TTC38: variants seen among roughly 807,000 people sequenced by gnomAD.
TTC38 encodes the protein tetratricopeptide repeat protein 38.
Under a neutral mutation model 64.2 loss-of-function variants are expected in TTC38, and 64 were observed. That is an observed-to-expected ratio of 1.00 (90% CI 0.81 to 1.23). The LOEUF (loss-of-function observed/expected upper bound fraction) is 1.23, where lower values mean the gene tolerates loss of function less well. Ranked by LOEUF, TTC38 falls within the 50% of genes most tolerant of loss-of-function variation. The pLI is 0.00. For synonymous variants in TTC38, 254 were observed against 249.3 expected, an observed-to-expected ratio of 1.02 and a Z score of -0.18; for missense variants, 573 against 615.5, an observed-to-expected ratio of 0.93 and a Z score of 0.73.
intron 2 of TTC38, chr22:46,269,308 C>T (rs980514981): frequency 8.6e-6 from 2 of 231,362 alleles, no homozygotes; most frequent in African/African-American, 4.8e-5. Flanking sequence ...ACTGCCTTCA[C>T]CTAGGCTGTG....
rs1454680685 is a variant in TTC38, at chr22:46,273,873, C to T, written c.194-25C>T. The T allele has an allele frequency of 6.2e-7, 1 of 1,613,266 alleles. No homozygotes were observed. The highest frequency in any genetic ancestry group is 1.1e-5 in the South Asian group (1 of 91,030). ...GGCTGAGCTGGACCATCTGAACCACCAGCCGTTCTCTAACCTCCCACCAGT... is the reference window on the plus strand; with the variant it reads ...GGCTGAGCTGGACCATCTGAACCACTAGCCGTTCTCTAACCTCCCACCAGT... On this transcript the variant is annotated intron_variant, in intron 3 of 13. Coordinates refer to ENST00000381031, the MANE Select transcript of TTC38 (RefSeq NM_017931.4). The surrounding 1 kb of genome is among the most constrained non-coding windows in gnomAD (Gnocchi z 5.1).
At chr22:46,285,816 C>T (rs887262380) in intron 9 of TTC38, among the ~76,000 whole-genome samples, 3 of 151,768 alleles carry the variant, frequency 2.0e-5, no homozygotes, top group Non-Finnish European at 4.4e-5. Context: ...AGTTCAAGAC[C>T]AGCCTGGCCA....
intron 11 of TTC38, 36 bp downstream of exon 11, chr22:46,288,624 A>C (rs781390730): frequency 1.8e-5 from 28 of 1,599,514 alleles, no homozygotes; most frequent in Middle Eastern, 1.7e-4. Flanking sequence ...GGGGGTCCTC[A>C]CCCTGCCGAG....
chr22:46,272,635 CATCTT>C lies in TTC38; in HGVS notation c.193+220_193+224del, dbSNP rs1373774813. Among the ~76,000 whole-genome samples, 2 of 152,304 alleles carry C rather than the reference CATCTT, an allele frequency of 1.3e-5. No individual in the cohort carries two copies. Among genetic ancestry groups the C allele is most frequent in the Admixed American group, 1.3e-4 (2 of 15,306 alleles). ...AGGTTCTATCAGAAGGCATTTTTCT[CATCTT>C]TTCTTTAATTACCATCAATTCGGGA... On this transcript the variant is annotated intron_variant, in intron 3 of 13. Coordinates refer to ENST00000381031, the MANE Select transcript of TTC38 (RefSeq NM_017931.4). The surrounding 1 kb of genome is among the most constrained non-coding windows in gnomAD (Gnocchi z 6.4).
At chr22:46,283,951 C>G in intron 7 of TTC38, 22 bp from the exon 8 acceptor site, 1 of 1,451,788 alleles carries the variant, frequency 6.9e-7, no homozygotes, top group African/African-American at 1.6e-5. Context: ...TTCATAAATT[C>G]TCTTTTTTTT....
Position 46,275,610 on chromosome 22 carries a change from C to T in TTC38, c.539+189C>T, listed in dbSNP as rs11704350. On this transcript the variant is annotated intron_variant, in intron 5 of 13. Coordinates refer to ENST00000381031, the MANE Select transcript of TTC38 (RefSeq NM_017931.4). This position sits in a 1 kb window ranked among gnomAD's most constrained non-coding sequence, Gnocchi z 4.5. Reference sequence around the variant, plus strand: ...CATCCCACCTGTGAATGAGGTAGTACCATTATGTATCAGTCAGCATGGGAT... The same window carrying T: ...CATCCCACCTGTGAATGAGGTAGTATCATTATGTATCAGTCAGCATGGGAT... 0.071 allele frequency among the ~76,000 whole-genome samples: 10,775 copies of T among 152,224 alleles called. 531 individuals are homozygous for T. Among genetic ancestry groups the T allele is most frequent in the Non-Finnish European group, 0.11 (7,274 of 68,010 alleles).
At position 46,289,456 on chromosome 22, in the gene TTC38, G is replaced by C. The variant is rs1416967294; in HGVS notation, c.1137G>C (p.Leu379=). ...TGGCCCGAGACGTGGGGCTGCCCCT[G>C]TGCCAGGCCCTGGTGGAGGCTGAGG... ...HLLARDVGLP[L]CQALVEAEDG... Residue 379 remains leucine, a synonymous_variant, in exon 12 of 14, where the codon CTG becomes CTC. Transcript: ENST00000381031. 1.9e-6 allele frequency: 3 copies of C among 1,609,562 alleles called. No homozygotes were observed. Among genetic ancestry groups the C allele is most frequent in the African/African-American group, 2.7e-5 (2 of 74,918 alleles).
chr22:46,274,805 C>G lies in TTC38; in HGVS notation c.366-443C>G, dbSNP rs774485181. The stretch of plus-strand genomic sequence containing the variant: ...TGGGTTTTCAGTTTGTTTTCTGATT[C>G]ACAACCTAACATAGAAAGTGATTTT... On this transcript the variant is annotated intron_variant, in intron 4 of 13. Coordinates refer to ENST00000381031, the MANE Select transcript of TTC38 (RefSeq NM_017931.4). This position sits in a 1 kb window ranked among gnomAD's most constrained non-coding sequence, Gnocchi z 4.8. 1.3e-5 allele frequency among the ~76,000 whole-genome samples: 2 copies of G among 151,350 alleles called. No individual in the cohort carries two copies. The highest frequency in any genetic ancestry group is 2.9e-5 in the Non-Finnish European group (2 of 67,874).
chr22:46,282,675 G>A lies in TTC38; in HGVS notation c.735+957G>A, dbSNP rs1421935260. Among the ~76,000 whole-genome samples, 2 of 152,142 alleles carry A rather than the reference G, an allele frequency of 1.3e-5. No homozygotes were observed. The highest frequency in any genetic ancestry group is 1.9e-4 in the East Asian group (1 of 5,188). ...GGCAGTGGTCAGGTTCCCTTCTCAG[G>A]GACACTGAGGTTTGTTTGAGGTTTC... is the stretch of plus-strand genomic sequence containing the variant. On this transcript the variant is annotated intron_variant, in intron 7 of 13. Transcript: ENST00000381031. The surrounding 1 kb of genome is among the most constrained non-coding windows in gnomAD (Gnocchi z 4.4).
In TTC38 at chr22:46,281,967, A is replaced by G. The variant is rs192712287; in HGVS notation, c.735+249A>G. On this transcript the variant is annotated intron_variant, in intron 7 of 13. Coordinates refer to ENST00000381031, the MANE Select transcript of TTC38 (RefSeq NM_017931.4). This position sits in a 1 kb window ranked among gnomAD's most constrained non-coding sequence, Gnocchi z 5.2. ...GTCCAGCCCAGACTTCTCTGTCCTT[A>G]CAGGGCCTGGTCAGGAGGAGCGAGC... 11 of 641,220 alleles carry G rather than the reference A, an allele frequency of 1.7e-5. No homozygotes were observed. The East Asian group carries it at 3.0e-4, about 18-fold the overall frequency. The allele number at this position is 641,220 out of a possible 1,614,324, so 39.7% of individuals were successfully genotyped here. A position where few individuals can be genotyped will look rare whatever the true frequency, so the allele number is the denominator to read the frequency against.
chr22:46,289,593 G>C (rs2077598254), intron 12 of TTC38, 32 bp downstream of exon 12: 11 of 1,554,908 alleles, frequency 7.1e-6, no homozygotes, highest in Non-Finnish European at 9.5e-6. Context: ...GGGGTGCCTA[G>C]GGCCTGGGCC....
In TTC38 at chr22:46,289,908, C is replaced by G; in HGVS notation, c.1316+9C>G. Reference sequence around the variant, plus strand: ...CATAAGAACGTAGCCCGGTGAGCTCCTGGCCCCTGCCCAGCACTCCCGACC... The same window carrying G: ...CATAAGAACGTAGCCCGGTGAGCTCGTGGCCCCTGCCCAGCACTCCCGACC... On this transcript the variant is annotated intron_variant, in intron 13 of 13. Coordinates refer to ENST00000381031, the MANE Select transcript of TTC38 (RefSeq NM_017931.4). 1 of 1,613,714 alleles carries G rather than the reference C, an allele frequency of 6.2e-7. No individual in the cohort carries two copies. Among genetic ancestry groups the G allele is most frequent in the Non-Finnish European group, 8.5e-7 (1 of 1,179,694 alleles).
chr22:46,274,107 G>A lies in TTC38; in HGVS notation c.365+38G>A. 1 of 1,603,014 alleles carries A rather than the reference G, an allele frequency of 6.2e-7. No individual in the cohort carries two copies. Among genetic ancestry groups the A allele is most frequent in the Non-Finnish European group, 8.5e-7 (1 of 1,172,208 alleles). ...CCTGGGCTGGGAGCTGGCACCCTGAGGCTGAGCTGGGGGAGTGGCAGGGTA... is the reference window on the plus strand; with the variant it reads ...CCTGGGCTGGGAGCTGGCACCCTGAAGCTGAGCTGGGGGAGTGGCAGGGTA... On this transcript the variant is annotated intron_variant, in intron 4 of 13. Coordinates refer to ENST00000381031, the MANE Select transcript of TTC38 (RefSeq NM_017931.4). The surrounding 1 kb of genome is among the most constrained non-coding windows in gnomAD (Gnocchi z 4.8).
intron 13 of TTC38, 135 bp downstream of exon 13, chr22:46,290,034 G>A: frequency 1.2e-6 from 1 of 826,306 alleles, no homozygotes; most frequent in Non-Finnish European, 2.0e-6. Context: ...GGAGGCTGTG[G>A]GGAATTTGGT....
Position 46,272,276 on chromosome 22 carries a change from A to G in TTC38, c.112-59A>G. On this transcript the variant is annotated intron_variant, in intron 2 of 13. Transcript: ENST00000381031. This position sits in a 1 kb window ranked among gnomAD's most constrained non-coding sequence, Gnocchi z 6.4. ...AAAGTGTAAACCTGGATTTAGAGCC[A>G]CCTTTGTTAGAATGATCCAAGGGCT... 6.9e-7 allele frequency: 1 copy of G among 1,448,312 alleles called. No homozygotes were observed. Among genetic ancestry groups the G allele is most frequent in the Non-Finnish European group, 9.7e-7 (1 of 1,032,408 alleles). 89.7% of individuals were successfully genotyped at this position (1,448,312 alleles called of 1,614,324 possible).
In TTC38 at chr22:46,270,477, T is replaced by A. The variant is rs1026283004; in HGVS notation, c.112-1858T>A. 2.0e-5 allele frequency among the ~76,000 whole-genome samples: 3 copies of A among 152,228 alleles called. No individual in the cohort carries two copies. Among genetic ancestry groups the A allele is most frequent in the Non-Finnish European group, 2.9e-5 (2 of 68,044 alleles). Reference sequence around the variant, plus strand: ...AAAATCTAATGTGTGATTATAGGTCTAGGACTTTTTTTAAAACAGGCATTT... The same window carrying A: ...AAAATCTAATGTGTGATTATAGGTCAAGGACTTTTTTTAAAACAGGCATTT... On this transcript the variant is annotated intron_variant, in intron 2 of 13. Coordinates refer to ENST00000381031, the MANE Select transcript of TTC38 (RefSeq NM_017931.4). The surrounding 1 kb of genome is among the most constrained non-coding windows in gnomAD (Gnocchi z 4.7).
At position 46,268,075 on chromosome 22, in the gene TTC38, A is replaced by G; in HGVS notation, c.33+3A>G. ...CCTCGCCTCTGCGCGACTGCCAGGT[A>G]CACGGAGGCTGCCCCCAACCAGGTC... On this transcript the variant is annotated splice_donor_region_variant and intron_variant, in intron 1 of 13. Coordinates refer to ENST00000381031, the MANE Select transcript of TTC38 (RefSeq NM_017931.4). 1 of 1,542,492 alleles carries G rather than the reference A, an allele frequency of 6.5e-7. No homozygotes were observed. The highest frequency in any genetic ancestry group is 1.8e-4 in the Middle Eastern group (1 of 5,450).
At chr22:46,289,625 GCCC>G in intron 12 of TTC38, 64 bp downstream of exon 12, 1 of 1,534,564 alleles carries the variant, frequency 6.5e-7, no homozygotes, top group East Asian at 2.3e-5. Flanking sequence ...GCGCCCCGCA[GCCC>G]CCAAGTTTCT....
At chr22:46,284,197 T>TC (rs775909262) in intron 8 of TTC38, among the ~76,000 whole-genome samples, 165 bp downstream of exon 8, 3 of 152,240 alleles carry the variant, frequency 2.0e-5, no homozygotes, top group African/African-American at 4.8e-5. Context: ...AGGGATTTTT[T>TC]CACTGTGGAG....
Sources: allele counts gnomAD v4.1 joint callset (sites outside exome capture counted in the v4.1 genomes callset), GRCh38; gene constraint gnomAD v4.1.1; non-coding constraint Gnocchi (gnomAD v3.1); transcripts MANE v1.5; gene names NCBI Gene and HGNC (gene_info 2026-07-23, HGNC 2026-07-21).